ASXL1: variants seen among roughly 807,000 people sequenced by gnomAD.
The protein encoded by ASXL1 is polycomb group protein ASXL1.
A neutral mutation model predicts 89.1 loss-of-function variants in ASXL1; 65 were observed. The observed-to-expected ratio is 0.73, with a 90% CI of 0.60 to 0.90. The LOEUF (loss-of-function observed/expected upper bound fraction) is 0.90, where lower values mean the gene tolerates loss of function less well. ASXL1 is among the 40% of genes least tolerant of loss of function. The pLI, the probability that ASXL1 is intolerant of heterozygous loss-of-function variation, is 0.00. For missense variants in ASXL1, 1,786 were observed against 1,942.9 expected (o/e 0.92, Z 1.52); for synonymous variants, 739 against 746.9 (o/e 0.99, Z 0.17).
chr20:32,368,974 T>C (rs1475313657), intron 3 of ASXL1, 41 bp from the exon 4 acceptor site: 5 of 1,530,798 alleles, frequency 3.3e-6, no homozygotes, highest in African/African-American at 1.4e-5. Flanking sequence ...AGTAGGCAGA[T>C]GGATTGTATA....
intron 4 of ASXL1, among the ~76,000 whole-genome samples, chr20:32,395,740 T>C (rs1370221775): frequency 6.6e-6 from 1 of 152,236 alleles, no homozygotes; most frequent in African/African-American, 2.4e-5. Flanking sequence ...AGTCTTTATC[T>C]TTCCCATGTT....
chr20:32,432,360 G>A (rs2011543901), intron 10 of ASXL1: 1 of 178,012 alleles, frequency 5.6e-6, no homozygotes, highest in South Asian at 1.2e-4. Flanking sequence ...TTAAAGACTC[G>A]GTGCCCAGGG....
At chr20:32,428,690 C>T (rs192888404) in intron 6 of ASXL1, 12 of 332,686 alleles carry the variant, frequency 3.6e-5, no homozygotes, top group East Asian at 1.8e-4. Context: ...GAGATGGAGT[C>T]GCGCCTGTCG....
chr20:32,436,411 G>A lies in ASXL1; in HGVS notation c.3699G>A (p.Glu1233=), dbSNP rs756613874. ...SRKLEEMDSK[E]QFSSFSCEDQ... The stretch of plus-strand genomic sequence containing the variant: ...AACTGGAAGAAATGGATTCCAAAGA[G>A]CAGTTCTCTTCCTTTAGTTGTGAAG... Residue 1233 remains glutamate, a synonymous_variant, in exon 13 of 13, where the codon GAG becomes GAA. Transcript: ENST00000375687. 4.3e-6 allele frequency: 7 copies of A among 1,613,760 alleles called. No individual in the cohort carries two copies. The Admixed American group carries it at 8.3e-5, about 19-fold the overall frequency.
chr20:32,359,368 T>C (rs2048070543), intron 1 of ASXL1: 1 of 702,386 alleles, frequency 1.4e-6, no homozygotes, highest in Non-Finnish European at 2.6e-6. Context: ...TACTCCCAGC[T>C]TGAACCCTGA....
At chr20:32,394,095 T>C (rs2048720382) in intron 4 of ASXL1, among the ~76,000 whole-genome samples, 1 of 150,218 alleles carries the variant, frequency 6.7e-6, no homozygotes, top group Non-Finnish European at 1.5e-5. Context: ...CTCCGCCTCC[T>C]GGGTTCAAGC....
At chr20:32,408,637 A>G (rs2048995208) in intron 4 of ASXL1, among the ~76,000 whole-genome samples, 1 of 152,084 alleles carries the variant, frequency 6.6e-6, no homozygotes, top group African/African-American at 2.4e-5. Flanking sequence ...ACTGCATCCT[A>G]AAACTTCCGG....
intron 12 of ASXL1, 163 bp from the exon 13 acceptor site, chr20:32,434,267 GGT>G: frequency 1.1e-6 from 1 of 894,096 alleles, no homozygotes; most frequent in Non-Finnish European, 1.7e-6. Flanking sequence ...TTCTCTGAAT[GGT>G]GTGTTATGGC....
intron 6 of ASXL1, 41 bp downstream of exon 6, chr20:32,428,463 G>A: frequency 4.5e-6 from 7 of 1,545,486 alleles, no homozygotes; most frequent in Non-Finnish European, 6.3e-6. Context: ...GATGAATGAT[G>A]ACAGGTATAA....
At chr20:32,399,943 G>A (rs1360958589) in intron 4 of ASXL1, among the ~76,000 whole-genome samples, 1 of 151,566 alleles carries the variant, frequency 6.6e-6, no homozygotes, top group Non-Finnish European at 1.5e-5. Context: ...TGTATTTGTA[G>A]TAGAGACGGG....
intron 4 of ASXL1, among the ~76,000 whole-genome samples, chr20:32,370,385 A>G (rs911647891): frequency 6.6e-6 from 1 of 151,826 alleles, no homozygotes; most frequent in African/African-American, 2.4e-5. Context: ...AAGCAGCCAT[A>G]CCCAAATGAA....
intron 4 of ASXL1, among the ~76,000 whole-genome samples, chr20:32,407,457 C>G (rs1483460832): frequency 6.6e-6 from 1 of 152,014 alleles, no homozygotes; most frequent in African/African-American, 2.4e-5. Flanking sequence ...CTGTGGCCTG[C>G]CTTTTATTTC....
chr20:32,367,353 C>G (rs943076605), intron 2 of ASXL1, among the ~76,000 whole-genome samples: 1 of 152,146 alleles, frequency 6.6e-6, no homozygotes, highest in South Asian at 2.1e-4. Context: ...GCACTCCAGC[C>G]TGGACAACAG....
chr20:32,398,603 G>GTTTTTTTTTTTTTTTTTTT (rs375341392), intron 4 of ASXL1, among the ~76,000 whole-genome samples: 37 of 126,386 alleles, frequency 2.9e-4, no homozygotes, highest in Non-Finnish European at 4.0e-4. Context: ...TTTTTTGTTT[G>GTTTTTTTTTTTTTTTTTTT]TTTTTTTTTT....
At chr20:32,420,999 C>T (rs903750251) in intron 4 of ASXL1, among the ~76,000 whole-genome samples, 1 of 135,238 alleles carries the variant, frequency 7.4e-6, no homozygotes, top group Non-Finnish European at 1.5e-5. Flanking sequence ...TGTTCTCACT[C>T]ATAAATGGGA....
chr20:32,364,174 G>A (rs1023186307), intron 1 of ASXL1, among the ~76,000 whole-genome samples: 4 of 152,144 alleles, frequency 2.6e-5, no homozygotes, highest in African/African-American at 7.2e-5. Flanking sequence ...TTTGCAGTAT[G>A]TGATTAAGGA....
rs765294324 is a variant in ASXL1 at position 32,436,134 on chromosome 20, A to C, written c.3422A>C (p.Asp1141Ala). The C allele has an allele frequency of 3.7e-6, 6 of 1,614,200 alleles. No individual in the cohort carries two copies. In the Admixed American group the frequency reaches 1.0e-4, roughly 27 times the overall value. Residue 1141 changes from aspartate (D) to alanine (A), a missense_variant, in exon 13 of 13, where the codon GAC becomes GCC. Coordinates refer to ENST00000375687, the MANE Select transcript of ASXL1 (RefSeq NM_015338.6). Reference protein sequence around the residue: ...SESPQVPLTKDQSHGSLRMGS... With the variant: ...SESPQVPLTKAQSHGSLRMGS... ...TCCCCACAAGTACCACTTACAAAAG[A>C]CCAGAGCCATGGCTCGCTACGCATG...
intron 4 of ASXL1, among the ~76,000 whole-genome samples, chr20:32,379,645 G>T (rs935448964): frequency 6.6e-6 from 1 of 151,284 alleles, no homozygotes; most frequent in Non-Finnish European, 1.5e-5. Context: ...GGCCAACCTG[G>T]TGAAACCCCG....
At chr20:32,383,640 G>A (rs902243315) in intron 4 of ASXL1, among the ~76,000 whole-genome samples, 4 of 152,100 alleles carry the variant, frequency 2.6e-5, no homozygotes, top group Non-Finnish European at 5.9e-5. Flanking sequence ...GCCAGATTGA[G>A]TGATATATGG....
Sources: gnomAD v4.1 joint callset for allele counts (sites outside exome capture counted in the v4.1 genomes callset) on GRCh38, gnomAD v4.1.1 for gene constraint, MANE v1.5 for transcripts, NCBI Gene and HGNC (gene_info 2026-07-23, HGNC 2026-07-21) for gene names.